DLGAP2: variants seen among roughly 807,000 people sequenced by gnomAD.
The protein encoded by DLGAP2 is disks large-associated protein 2.
DLGAP2 carries 26 observed loss-of-function variants against 100.3 expected under a neutral mutation model. The ratio of observed to expected loss-of-function variants is 0.26; its 90% CI spans 0.19 to 0.36. The LOEUF (loss-of-function observed/expected upper bound fraction) is 0.36, where lower values mean the gene tolerates loss of function less well. Ranked by LOEUF, DLGAP2 falls within the 10% of genes least tolerant of loss-of-function variation. The pLI is 1.00. For missense variants in DLGAP2, 1,858 were observed against 1,453.2 expected (o/e 1.28, Z -4.53); for synonymous variants, 886 against 630.1 (o/e 1.41, Z -6.08).
chr8:975,772 C>G (rs536259667), intron 2 of DLGAP2, among the ~76,000 whole-genome samples: 7 of 152,346 alleles, frequency 4.6e-5, no homozygotes, highest in Admixed American at 2.0e-4. Flanking sequence ...TGTAGCTAAA[C>G]TCATACTTCA....
At position 1,359,210 on chromosome 8, in the gene DLGAP2, T is replaced by C. The variant is rs551098747; in HGVS notation, c.106+100327T>C. Reference sequence around the variant, plus strand: ...ACCCTGGAGGACAGACACCTCCTGGTAAACTCAACAGGAAAATCCACCTCC... The same window carrying C: ...ACCCTGGAGGACAGACACCTCCTGGCAAACTCAACAGGAAAATCCACCTCC... On this transcript the variant is annotated intron_variant, in intron 3 of 14. Coordinates refer to ENST00000637795, the MANE Select transcript of DLGAP2 (RefSeq NM_001346810.2). Among the ~76,000 whole-genome samples the C allele has an allele frequency of 3.3e-5, 5 of 152,254 alleles. No homozygotes were observed. In the East Asian group the frequency reaches 9.7e-4, roughly 30 times the overall value.
chr8:793,875 C>G (rs373113867), intron 1 of DLGAP2, among the ~76,000 whole-genome samples: 1 of 152,208 alleles, frequency 6.6e-6, no homozygotes, highest in East Asian at 1.9e-4. Flanking sequence ...TAACCTGTTA[C>G]GGCTTCTCAG....
chr8:1,086,643 G>A (rs1432190989), intron 2 of DLGAP2, among the ~76,000 whole-genome samples: 1 of 152,102 alleles, frequency 6.6e-6, no homozygotes, highest in African/African-American at 2.4e-5. Context: ...AAAGTCAAAA[G>A]CTGTAAAAAG....
chr8:1,445,012 C>G (rs1047645086), intron 3 of DLGAP2, among the ~76,000 whole-genome samples: 1 of 151,158 alleles, frequency 6.6e-6, no homozygotes, highest in African/African-American at 2.4e-5. Flanking sequence ...CCTTGTGATC[C>G]ACCCACCTCG....
chr8:1,189,081 C>T lies in DLGAP2; in HGVS notation c.74-69770C>T, dbSNP rs138948920. On this transcript the variant is annotated intron_variant, in intron 2 of 14. Transcript: ENST00000637795. ...CATACACAGGGTTCGGGCCCCAGGC[C>T]GGTTCCGCGGTTGGGGTTGACCTTA... Among the ~76,000 whole-genome samples, 18 of 123,438 alleles carry T rather than the reference C, an allele frequency of 1.5e-4. 1 individual carries two copies. Among genetic ancestry groups the T allele is most frequent in the African/African-American group, 4.6e-4 (8 of 17,238 alleles). The allele number at this position is 123,438 out of a possible 152,430, so 81.0% of individuals were successfully genotyped here.
intron 1 of DLGAP2, among the ~76,000 whole-genome samples, chr8:751,770 T>A (rs1364450117): frequency 6.6e-6 from 1 of 152,158 alleles, no homozygotes; most frequent in Non-Finnish European, 1.5e-5. Context: ...TAGTAAGTCC[T>A]TATAGTAAGT....
chr8:1,508,658 C>T (rs1270475266), intron 4 of DLGAP2, among the ~76,000 whole-genome samples: 2 of 149,400 alleles, frequency 1.3e-5, no homozygotes, highest in East Asian at 4.1e-4. Flanking sequence ...ACATACGTAG[C>T]AGGCTCAACG....
chr8:1,061,963 C>T (rs200201809), intron 2 of DLGAP2, among the ~76,000 whole-genome samples: 2 of 151,676 alleles, frequency 1.3e-5, no homozygotes, highest in East Asian at 1.9e-4. Context: ...TTTATGGCTA[C>T]TAGAGCAAAT....
At chr8:1,359,477 C>T (rs969005057) in intron 3 of DLGAP2, among the ~76,000 whole-genome samples, 8 of 152,370 alleles carry the variant, frequency 5.3e-5, no homozygotes, top group Admixed American at 3.3e-4. Context: ...ACGGGTGGTG[C>T]AGAGCTGCCA....
chr8:1,232,617 G>A (rs964213191), intron 2 of DLGAP2, among the ~76,000 whole-genome samples: 1 of 152,226 alleles, frequency 6.6e-6, no homozygotes, highest in Non-Finnish European at 1.5e-5. Context: ...TTTGTTGAGT[G>A]TGGAATCCAC....
intron 8 of DLGAP2, among the ~76,000 whole-genome samples, chr8:1,648,239 C>T (rs895758403): frequency 3.9e-5 from 6 of 152,168 alleles, no homozygotes; most frequent in Admixed American, 6.5e-5. Context: ...CCACTGTGCT[C>T]GGCTGTTAGC....
intron 1 of DLGAP2, among the ~76,000 whole-genome samples, chr8:796,873 C>G (rs1185052482): frequency 6.6e-6 from 1 of 151,984 alleles, no homozygotes; most frequent in Non-Finnish European, 1.5e-5. Flanking sequence ...TAGTGCAGCC[C>G]CCTTCACCCC....
intron 3 of DLGAP2, among the ~76,000 whole-genome samples, chr8:1,336,070 C>T (rs936677846): frequency 2.6e-5 from 4 of 152,270 alleles, no homozygotes; most frequent in Admixed American, 6.5e-5. Context: ...CATGTCAAGC[C>T]TGGTCCTCCA....
At chr8:790,032 T>A (rs1821986168) in intron 1 of DLGAP2, among the ~76,000 whole-genome samples, 1 of 152,150 alleles carries the variant, frequency 6.6e-6, no homozygotes, top group Admixed American at 6.6e-5. Flanking sequence ...ACGGACGACG[T>A]CAGTGCAGTG....
chr8:1,260,011 A>G (rs1799314003), intron 3 of DLGAP2, among the ~76,000 whole-genome samples: 1 of 152,148 alleles, frequency 6.6e-6, no homozygotes, highest in South Asian at 2.1e-4. Flanking sequence ...GACTTTGGAC[A>G]CCTGGCATTT....
intron 3 of DLGAP2, among the ~76,000 whole-genome samples, chr8:1,422,148 C>T (rs903447161): frequency 6.6e-6 from 1 of 152,148 alleles, no homozygotes; most frequent in Non-Finnish European, 1.5e-5. Flanking sequence ...TTTCACGGAC[C>T]ACATGGCTGA....
chr8:1,373,980 A>G (rs949465300), intron 3 of DLGAP2, among the ~76,000 whole-genome samples: 8 of 152,062 alleles, frequency 5.3e-5, no homozygotes, highest in African/African-American at 1.2e-4. Context: ...TTGTAACCCA[A>G]TAGATCACAA....
chr8:1,571,161 A>G (rs1584939888), intron 6 of DLGAP2, among the ~76,000 whole-genome samples: 1 of 91,092 alleles, frequency 1.1e-5, no homozygotes, highest in Non-Finnish European at 2.0e-5. Flanking sequence ...TCTGGGATGG[A>G]GAGGAGAGAG....
intron 2 of DLGAP2, among the ~76,000 whole-genome samples, chr8:1,069,278 C>T (rs571349744): frequency 5.9e-5 from 9 of 152,184 alleles, no homozygotes; most frequent in South Asian, 2.1e-4. Context: ...CCAGCTGGGC[C>T]GGACAGAGCT....
Sources: allele counts gnomAD v4.1 joint callset (sites outside exome capture counted in the v4.1 genomes callset), GRCh38; gene constraint gnomAD v4.1.1; transcripts MANE v1.5; gene names NCBI Gene and HGNC (gene_info 2026-07-23, HGNC 2026-07-21).